The following DHX33 variants were observed in gnomAD, a reference collection of about 807,000 sequenced individuals.
DHX33 encodes the protein ATP-dependent RNA helicase DHX33.
Under a neutral mutation model 72.5 loss-of-function variants are expected in DHX33, and 42 were observed. The ratio of observed to expected loss-of-function variants is 0.58; its 90% CI spans 0.45 to 0.75. DHX33 has a LOEUF of 0.75. Among genes scored for constraint, DHX33 ranks in the 30% least tolerant of loss-of-function variants. DHX33 has a pLI of 0.00. For missense variants in DHX33, 842 were observed against 917.5 expected, an observed-to-expected ratio of 0.92 and a Z score of 1.06; for synonymous variants, 358 against 366.1, an observed-to-expected ratio of 0.98 and a Z score of 0.25.
intron 1 of DHX33, among the ~76,000 whole-genome samples, chr17:5,467,520 G>C (rs1304414044): frequency 1.3e-5 from 2 of 152,180 alleles, no homozygotes; most frequent in African/African-American, 4.8e-5. Flanking sequence ...TAATGGCTAA[G>C]GTCAGCACGA....
In DHX33 at chr17:5,441,125, AG is replaced by A. The variant is rs1231165390; in HGVS notation, c.*3079del. ...GGCCTACTATCACACTGGTCTTTAA[AG>A]AAAAAAAAAAATGCATGGCCACAGT... On this transcript the variant is annotated 3_prime_UTR_variant, in exon 12 of 12. Coordinates refer to ENST00000225296, the MANE Select transcript of DHX33 (RefSeq NM_020162.4). The A allele has an allele frequency of 1.4e-5, 2 of 142,718 alleles. No individual in the cohort carries two copies. Among genetic ancestry groups the A allele is most frequent in the African/African-American group, 2.6e-5 (1 of 37,910 alleles). The allele number at this position is 142,718 out of a possible 1,614,324, so 8.8% of individuals were successfully genotyped here.
chr17:5,455,346 A>G (rs1917143478), intron 5 of DHX33, 75 bp from the exon 6 acceptor site: 18 of 1,200,202 alleles, frequency 1.5e-5, no homozygotes, highest in Non-Finnish European at 2.2e-5. Context: ...TATTCTCACC[A>G]TTAACTTCCA....
At chr17:5,461,682 G>A (rs1324070361) in intron 3 of DHX33, among the ~76,000 whole-genome samples, 3 of 151,306 alleles carry the variant, frequency 2.0e-5, no homozygotes, top group South Asian at 2.1e-4. Context: ...CTAGTAGCTG[G>A]AACGACAGGC....
chr17:5,459,566 A>G (rs1263478412), intron 4 of DHX33, among the ~76,000 whole-genome samples: 1 of 151,990 alleles, frequency 6.6e-6, no homozygotes, highest in East Asian at 1.9e-4. Flanking sequence ...AGTAGCTGGG[A>G]CTATAGGCAT....
rs917060257 is a variant in DHX33, at chr17:5,444,532, A to G, written c.1816-19T>C. 3 of 1,608,242 alleles carry G rather than the reference A, an allele frequency of 1.9e-6. No homozygotes were observed. In the Admixed American group the frequency reaches 5.0e-5, roughly 27 times the overall value. On this transcript the variant is annotated intron_variant, in intron 11 of 11. Transcript: ENST00000225296. The surrounding 1 kb of genome is among the most constrained non-coding windows in gnomAD (Gnocchi z 4.9). ...TTGACATCTGTTTCGGGAGAAAGCG[A>G]GGAATGGAGCCGACCCCACACGTAA...
rs746193420 is a variant in DHX33 at position 5,450,774 on chromosome 17, C to T, written c.1524+33G>A. 3.1e-6 allele frequency: 5 copies of T among 1,613,734 alleles called. No homozygotes were observed. The South Asian group carries it at 3.3e-5, about 11-fold the overall frequency. Reference sequence around the variant, plus strand: ...CTTTGGGACGGTTAACTGTAATGTACAGAAAGAGGACTGAGGAGAGGGTAT... The same window carrying T: ...CTTTGGGACGGTTAACTGTAATGTATAGAAAGAGGACTGAGGAGAGGGTAT... On this transcript the variant is annotated intron_variant, in intron 9 of 11. Coordinates refer to ENST00000225296, the MANE Select transcript of DHX33 (RefSeq NM_020162.4).
chr17:5,459,145 G>T (rs1021556896), intron 4 of DHX33, among the ~76,000 whole-genome samples: 1 of 152,134 alleles, frequency 6.6e-6, no homozygotes, highest in Non-Finnish European at 1.5e-5. Context: ...GGCTGTAGTA[G>T]CTGTGATTAT....
At chr17:5,459,284 T>C (rs1482149274) in intron 4 of DHX33, among the ~76,000 whole-genome samples, 1 of 152,180 alleles carries the variant, frequency 6.6e-6, no homozygotes, top group East Asian at 1.9e-4. Flanking sequence ...GGTAAAAACA[T>C]TAAATTTTAT....
At chr17:5,459,903 T>G (rs1312341143) in intron 4 of DHX33, among the ~76,000 whole-genome samples, 1 of 147,854 alleles carries the variant, frequency 6.8e-6, no homozygotes, top group East Asian at 1.9e-4. Flanking sequence ...TGCCTTAGCC[T>G]CCCAAAGCGT....
At chr17:5,450,731 A>G in intron 9 of DHX33, 76 bp downstream of exon 9, 1 of 1,582,830 alleles carries the variant, frequency 6.3e-7, no homozygotes, top group Non-Finnish European at 8.6e-7. Flanking sequence ...ATCTAGAAGC[A>G]CTGGGTAGAT....
rs1217684617 is a variant in DHX33, at chr17:5,444,143, G to T, written c.*62C>A. ...CTAAGCGCCAACCTGGAAGCCTGCTGTAAGGACAACTGTAGTCCAAGCTCC... is the reference window on the plus strand; with the variant it reads ...CTAAGCGCCAACCTGGAAGCCTGCTTTAAGGACAACTGTAGTCCAAGCTCC... On this transcript the variant is annotated 3_prime_UTR_variant, in exon 12 of 12. Transcript: ENST00000225296. This position sits in a 1 kb window ranked among gnomAD's most constrained non-coding sequence, Gnocchi z 4.9. 2 of 1,548,682 alleles carry T rather than the reference G, an allele frequency of 1.3e-6. No homozygotes were observed. The highest frequency in any genetic ancestry group is 2.5e-5 in the South Asian group (2 of 80,562).
At position 5,456,179 on chromosome 17, in the gene DHX33, C is replaced by A. The variant is rs752261859; in HGVS notation, c.853G>T (p.Ala285Ser). ...ACCAGGATGTCCTGTGAAGAAGGGG[C>A]TTCCTGTAAAAAAAGTAGAGTGGGT... ...LVSVFQIHQEAPSSQDILVFL... is the reference protein window; with the variant it reads ...LVSVFQIHQESPSSQDILVFL... Residue 285 changes from alanine to serine, a missense_variant, in exon 5 of 12, where the codon GCC becomes TCC. Coordinates refer to ENST00000225296, the MANE Select transcript of DHX33 (RefSeq NM_020162.4). 6.2e-7 allele frequency: 1 copy of A among 1,613,024 alleles called. No homozygotes were observed. The highest frequency in any genetic ancestry group is 8.5e-7 in the Non-Finnish European group (1 of 1,179,482).
rs1230001194 is a variant in DHX33 at position 5,441,707 on chromosome 17, A to C, written c.*2498T>G. 6.6e-6 allele frequency: 1 copy of C among 152,118 alleles called. No homozygotes were observed. Among genetic ancestry groups the C allele is most frequent in the African/African-American group, 2.4e-5 (1 of 41,412 alleles). The allele number at this position is 152,118 out of a possible 1,614,324, so 9.4% of individuals were successfully genotyped here. On this transcript the variant is annotated 3_prime_UTR_variant, in exon 12 of 12. Transcript: ENST00000225296. Reference sequence around the variant, plus strand: ...GTTAACTTTTTAAAAAAGCCCAATAAAAAACTAAATACTGTATTAAAACTC... The same window carrying C: ...GTTAACTTTTTAAAAAAGCCCAATACAAAACTAAATACTGTATTAAAACTC...
rs1916849685 is a variant in DHX33 at position 5,450,401 on chromosome 17, G to T, written c.1530C>A (p.Ile510=). The T allele has an allele frequency of 6.2e-7, 1 of 1,613,706 alleles. No homozygotes were observed. The highest frequency in any genetic ancestry group is 1.1e-5 in the South Asian group (1 of 91,086). ...FPLEPKFAKT[I]LMSPKFHCTE... Reference sequence around the variant, plus strand: ...TACAGTGGAATTTGGGGGACATGAGGATGGTCTGCAAAGCAAAATTTAAAA... The same window carrying T: ...TACAGTGGAATTTGGGGGACATGAGTATGGTCTGCAAAGCAAAATTTAAAA... Residue 510 remains isoleucine, a synonymous_variant, in exon 10 of 12, where the codon ATC becomes ATA. Transcript: ENST00000225296.
chr17:5,458,019 G>A (rs953675914), intron 4 of DHX33, among the ~76,000 whole-genome samples: 1 of 152,226 alleles, frequency 6.6e-6, no homozygotes, highest in Non-Finnish European at 1.5e-5. Flanking sequence ...GACTTGGCTA[G>A]AGGGAGGAAA....
intron 11 of DHX33, among the ~76,000 whole-genome samples, chr17:5,446,646 C>T (rs1239599327): frequency 6.6e-6 from 1 of 152,162 alleles, no homozygotes; most frequent in East Asian, 1.9e-4. Context: ...TTGATGGCCT[C>T]CTGGCATGAG....
chr17:5,459,935 C>T (rs1454928258), intron 4 of DHX33, among the ~76,000 whole-genome samples: 1 of 146,548 alleles, frequency 6.8e-6, no homozygotes, highest in Non-Finnish European at 1.5e-5. Context: ...GTGTGAGCCA[C>T]CATGCCTGGC....
In DHX33 at chr17:5,468,943, C is replaced by A. The variant is rs1355375734; in HGVS notation, c.-84G>T. 7.9e-6 allele frequency: 11 copies of A among 1,388,150 alleles called. No homozygotes were observed. In the East Asian group the frequency reaches 8.1e-5, roughly 10 times the overall value. 86.0% of individuals were successfully genotyped at this position (1,388,150 alleles called of 1,614,324 possible). On this transcript the variant is annotated 5_prime_UTR_variant, in exon 1 of 12. It adds an upstream start codon to the 5' untranslated region. Coordinates refer to ENST00000225296, the MANE Select transcript of DHX33 (RefSeq NM_020162.4). Reference sequence around the variant, plus strand: ...TGCAGACAACAGGAGCACACCGCCCCTTCCTCGCCGCCACGTGCTGGCGGC... The same window carrying A: ...TGCAGACAACAGGAGCACACCGCCCATTCCTCGCCGCCACGTGCTGGCGGC...
At chr17:5,456,236 C>G (rs184002690) in intron 4 of DHX33, 54 bp from the exon 5 acceptor site, 9 of 1,539,574 alleles carry the variant, frequency 5.8e-6, no homozygotes, top group Non-Finnish European at 4.5e-6. Context: ...GCAGCTTGCA[C>G]AGAAAAAGAC....
Sources: gnomAD v4.1 joint callset for allele counts (sites outside exome capture counted in the v4.1 genomes callset) on GRCh38, gnomAD v4.1.1 for gene constraint, Gnocchi (gnomAD v3.1) non-coding constraint, MANE v1.5 for transcripts, NCBI Gene and HGNC (gene_info 2026-07-23, HGNC 2026-07-21) for gene names.